BTG4: variants seen among roughly 807,000 people sequenced by gnomAD.
BTG4 encodes the protein BTG anti-proliferation factor 4.
In BTG4, 10 loss-of-function variants were observed where a neutral mutation model predicts 19.3. The ratio of observed to expected loss-of-function variants is 0.52; its 90% CI spans 0.32 to 0.88. The LOEUF (loss-of-function observed/expected upper bound fraction) is 0.88. BTG4 is among the 40% of genes least tolerant of loss of function. The probability of loss-of-function intolerance (pLI) is 0.04; values close to 1 mark genes in which losing one functional copy is unlikely to be tolerated. For synonymous variants in BTG4, 91 were observed against 95.7 expected, an observed-to-expected ratio of 0.95 and a Z score of 0.29; for missense variants, 238 against 281.9, an observed-to-expected ratio of 0.84 and a Z score of 1.11.
chr11:111,471,571 C>A (rs1766546393), intron 5 of BTG4, among the ~76,000 whole-genome samples: 1 of 152,142 alleles, frequency 6.6e-6, no homozygotes, highest in South Asian at 2.1e-4. Context: ...CTTTGCTGAT[C>A]CCTGCTCTTT....
chr11:111,476,093 C>T (rs1228262929), intron 5 of BTG4, among the ~76,000 whole-genome samples: 3 of 150,842 alleles, frequency 2.0e-5, no homozygotes, highest in Non-Finnish European at 4.4e-5. Flanking sequence ...GGTGGGGACA[C>T]AGCCAAACCA....
chr11:111,506,878 A>G (rs1016608703), intron 1 of BTG4, among the ~76,000 whole-genome samples: 2 of 152,054 alleles, frequency 1.3e-5, no homozygotes, highest in African/African-American at 2.4e-5. Context: ...ACTAGGGAAG[A>G]TTTTACCCAG....
chr11:111,498,717 A>G lies in BTG4; in HGVS notation c.60T>C (p.Asp20=). The G allele has an allele frequency of 6.2e-7, 1 of 1,613,470 alleles. No individual in the cohort carries two copies. Among genetic ancestry groups the G allele is most frequent in the South Asian group, 1.1e-5 (1 of 90,872 alleles). The change falls in exon 2 of 5, where the codon GAT becomes GAC. Residue 20 remains aspartate, a synonymous_variant. Transcript: ENST00000692032. ...FFVTRLVKKH[D]KLSKQQIEDF... Reference sequence around the variant, plus strand: ...CTTCTATTTGCTGTTTACTTAGTTTATCATGTTTTTTCACCAATCTTGTGA... The same window carrying G: ...CTTCTATTTGCTGTTTACTTAGTTTGTCATGTTTTTTCACCAATCTTGTGA...
the BTG4 span, among the ~76,000 whole-genome samples, chr11:111,440,595 A>T: frequency 1.1e-4 from 16 of 152,272 alleles, no homozygotes; most frequent in South Asian, 3.3e-3. Context: ...CCTCTTACCT[A>T]CCTTGGCTGT....
At chr11:111,393,355 A>C in the BTG4 span, among the ~76,000 whole-genome samples, 2,179 of 152,274 alleles carry the variant, frequency 0.014, 50 homozygotes, top group African/African-American at 0.049. Flanking sequence ...GCATTGAAAC[A>C]CCTGTTCCTT....
chr11:111,396,368 G>A, the BTG4 span, among the ~76,000 whole-genome samples: 976 of 152,202 alleles, frequency 6.4e-3, 9 homozygotes, highest in African/African-American at 0.022. Context: ...CCCTTTCCAG[G>A]CCTCTCCCAA....
the BTG4 span, among the ~76,000 whole-genome samples, chr11:111,440,554 G>A: frequency 6.6e-6 from 1 of 152,142 alleles, no homozygotes; most frequent in African/African-American, 2.4e-5. Context: ...CTACCCCTGG[G>A]CGGTGTCCCC....
At chr11:111,420,132 G>T in the BTG4 span, among the ~76,000 whole-genome samples, 1,735 of 152,326 alleles carry the variant, frequency 0.011, 29 homozygotes, top group African/African-American at 0.04. Flanking sequence ...GCAAAGGAAA[G>T]TTCACAGTCT....
At chr11:111,499,613 A>T (rs1865946549) in intron 1 of BTG4, among the ~76,000 whole-genome samples, 1 of 152,242 alleles carries the variant, frequency 6.6e-6, no homozygotes, top group Non-Finnish European at 1.5e-5. Flanking sequence ...AATATCGTAC[A>T]TTCCAATGAT....
At chr11:111,398,555 G>A in the BTG4 span, among the ~76,000 whole-genome samples, 2 of 152,016 alleles carry the variant, frequency 1.3e-5, no homozygotes, top group African/African-American at 2.4e-5. Context: ...CTGGGTTCAC[G>A]CCATTCTCCT....
the BTG4 span, among the ~76,000 whole-genome samples, chr11:111,440,495 A>G: frequency 6.6e-6 from 1 of 152,184 alleles, no homozygotes; most frequent in African/African-American, 2.4e-5. Flanking sequence ...TGCATGTACT[A>G]GGAGCTGACA....
chr11:111,479,647 C>G (rs974709759), intron 5 of BTG4, among the ~76,000 whole-genome samples: 4 of 152,038 alleles, frequency 2.6e-5, no homozygotes, highest in Non-Finnish European at 5.9e-5. Flanking sequence ...GAAGTGAAAA[C>G]TATAACATGG....
the BTG4 span, among the ~76,000 whole-genome samples, chr11:111,429,447 A>T: frequency 6.6e-6 from 1 of 152,340 alleles, no homozygotes; most frequent in South Asian, 2.1e-4. Flanking sequence ...GCTGATTCCA[A>T]AATGAGACAG....
At chr11:111,497,761 G>A (rs1439156619) in intron 3 of BTG4, among the ~76,000 whole-genome samples, 2 of 152,098 alleles carry the variant, frequency 1.3e-5, no homozygotes, top group Non-Finnish European at 2.9e-5. Context: ...TTGTAATAAG[G>A]TGCAGTGATT....
chr11:111,402,065 G>GGAGGTCATGT, the BTG4 span, among the ~76,000 whole-genome samples: 1 of 152,126 alleles, frequency 6.6e-6, no homozygotes, highest in African/African-American at 2.4e-5. Flanking sequence ...ACATGTCATG[G>GGAGGTCATGT]GAGGGACCTG....
At chr11:111,514,593 TGG>T, upstream of BTG4, 2 of 596,326 alleles carry the variant, frequency 3.4e-6, no homozygotes, top group Non-Finnish European at 6.0e-6. Flanking sequence ...AGATTTGGAC[TGG>T]TCCTAAAACC....
chr11:111,431,575 T>C, the BTG4 span, among the ~76,000 whole-genome samples: 27 of 152,304 alleles, frequency 1.8e-4, no homozygotes, highest in African/African-American at 4.8e-4. Flanking sequence ...TATTCTCAAA[T>C]ATTCACTGTT....
At chr11:111,467,551 T>C (rs933474658) in exon 6 of BTG4, 1 of 668,320 alleles carries the variant, frequency 1.5e-6, no homozygotes, top group Non-Finnish European at 2.7e-6. Flanking sequence ...TTTTTATTCT[T>C]TTCAGGCTCC....
chr11:111,514,302 C>G (rs1450424609), upstream of BTG4: 1 of 185,566 alleles, frequency 5.4e-6, no homozygotes, highest in Non-Finnish European at 1.1e-5. Context: ...ACGTATCCGC[C>G]CAGTTCAGGC....
Sources: gnomAD v4.1 joint callset for allele counts (sites outside exome capture counted in the v4.1 genomes callset) on GRCh38, gnomAD v4.1.1 for gene constraint, MANE v1.5 for transcripts, NCBI Gene and HGNC (gene_info 2026-07-23, HGNC 2026-07-21) for gene names.